Variants in GRIN2A observed in about 807,000 individuals in gnomAD.
GRIN2A encodes the protein glutamate receptor ionotropic, NMDA 2A.
In GRIN2A, 22 loss-of-function variants were observed where a neutral mutation model predicts 113.4. The ratio of observed to expected loss-of-function variants is 0.19; its 90% CI spans 0.14 to 0.28. The LOEUF (loss-of-function observed/expected upper bound fraction) is 0.28, where lower values mean the gene tolerates loss of function less well. GRIN2A is among the 10% of genes least tolerant of loss of function. The pLI, the probability that GRIN2A is intolerant of heterozygous loss-of-function variation, is 1.00. For missense variants in GRIN2A, 1,502 were observed against 1,887.0 expected (o/e 0.80, Z 3.78); for synonymous variants, 827 against 738.4 (o/e 1.12, Z -1.94).
intron 2 of GRIN2A, among the ~76,000 whole-genome samples, chr16:10,148,369 C>T (rs887690701): frequency 5.3e-5 from 8 of 152,104 alleles, no homozygotes; most frequent in Non-Finnish European, 1.0e-4. Flanking sequence ...AATCATATTT[C>T]CTTAAACTGA....
At chr16:9,905,169 G>C (rs549617009) in intron 3 of GRIN2A, among the ~76,000 whole-genome samples, 2 of 152,222 alleles carry the variant, frequency 1.3e-5, no homozygotes, top group East Asian at 3.9e-4. Flanking sequence ...AAAATTGTGT[G>C]GTCCTTTCTC....
intron 2 of GRIN2A, among the ~76,000 whole-genome samples, chr16:9,950,823 A>G (rs890153059): frequency 2.0e-5 from 3 of 152,180 alleles, no homozygotes; most frequent in African/African-American, 7.2e-5. Flanking sequence ...AGGAAAAGCA[A>G]TTTCCACCAA....
chr16:9,891,423 G>A (rs2043692903), intron 3 of GRIN2A, among the ~76,000 whole-genome samples: 1 of 152,204 alleles, frequency 6.6e-6, no homozygotes, highest in African/African-American at 2.4e-5. Context: ...GAAGGAAGCT[G>A]CTTGCTCATA....
chr16:10,092,551 T>A (rs8053887), intron 2 of GRIN2A, among the ~76,000 whole-genome samples: 30,175 of 152,214 alleles, frequency 0.2, 3,584 homozygotes, highest in African/African-American at 0.33. Flanking sequence ...CCTTTTATAA[T>A]AAGTAACTCT....
chr16:10,107,476 T>C (rs1176234526), intron 2 of GRIN2A, among the ~76,000 whole-genome samples: 1 of 152,214 alleles, frequency 6.6e-6, no homozygotes, highest in Admixed American at 6.5e-5. Flanking sequence ...CTGCTGGCTC[T>C]GTTGCTACTC....
intron 2 of GRIN2A, among the ~76,000 whole-genome samples, chr16:10,116,013 T>C (rs947189895): frequency 3.9e-5 from 6 of 152,158 alleles, no homozygotes; most frequent in African/African-American, 1.4e-4. Flanking sequence ...TAAAGATACA[T>C]GCACACGTAT....
chr16:10,156,128 C>T (rs74006794), intron 2 of GRIN2A, among the ~76,000 whole-genome samples: 5,939 of 152,292 alleles, frequency 0.039, 307 homozygotes, highest in African/African-American at 0.12. Context: ...TGCACCTGCA[C>T]GCATACCTGA....
chr16:10,012,534 T>C (rs2046525932), intron 2 of GRIN2A, among the ~76,000 whole-genome samples: 1 of 152,188 alleles, frequency 6.6e-6, no homozygotes, highest in Non-Finnish European at 1.5e-5. Context: ...AGGGTGGCCA[T>C]GTGGGACAGG....
chr16:9,981,087 G>A (rs2045883977), intron 2 of GRIN2A, among the ~76,000 whole-genome samples: 1 of 151,496 alleles, frequency 6.6e-6, no homozygotes, highest in Admixed American at 6.6e-5. Flanking sequence ...AGTCCTTAGA[G>A]GAGGAAAAAA....
intron 2 of GRIN2A, among the ~76,000 whole-genome samples, chr16:10,079,821 G>T (rs147142485): frequency 1.3e-3 from 198 of 152,330 alleles, no homozygotes; most frequent in Non-Finnish European, 2.0e-3. Context: ...CTTGGCACAG[G>T]CTGGGAAGAA....
At chr16:9,937,759 C>T (rs1022072579) in intron 3 of GRIN2A, 200 bp downstream of exon 3, 4 of 598,756 alleles carry the variant, frequency 6.7e-6, no homozygotes, top group Non-Finnish European at 8.9e-6. Context: ...AGTTAAGTTG[C>T]AGGAAACAAA....
intron 2 of GRIN2A, among the ~76,000 whole-genome samples, chr16:9,996,410 C>A (rs2046224782): frequency 6.6e-6 from 1 of 152,188 alleles, no homozygotes; most frequent in Non-Finnish European, 1.5e-5. Flanking sequence ...CTCAGGCACG[C>A]ATGAAAATTG....
intron 11 of GRIN2A, among the ~76,000 whole-genome samples, chr16:9,791,558 G>A (rs965733105): frequency 6.6e-6 from 1 of 152,190 alleles, no homozygotes; most frequent in African/African-American, 2.4e-5. Context: ...TGCCTGAGCT[G>A]TGGGACTGTC....
intron 2 of GRIN2A, among the ~76,000 whole-genome samples, chr16:10,104,198 G>A (rs1056315742): frequency 2.0e-5 from 3 of 152,180 alleles, no homozygotes; most frequent in South Asian, 2.1e-4. Context: ...ACTATTCGAC[G>A]TATTCATTCT....
intron 2 of GRIN2A, among the ~76,000 whole-genome samples, chr16:10,076,022 C>G (rs946986223): frequency 6.6e-6 from 1 of 152,092 alleles, no homozygotes; most frequent in Non-Finnish European, 1.5e-5. Flanking sequence ...CATTCCGAGA[C>G]CCATCTGCAA....
At chr16:9,832,794 C>T (rs2042519304) in intron 8 of GRIN2A, among the ~76,000 whole-genome samples, 1 of 152,140 alleles carries the variant, frequency 6.6e-6, no homozygotes, top group Admixed American at 6.5e-5. Context: ...CTTGCAATCT[C>T]CCATTAAACA....
chr16:9,996,043 AAAAAAAAAAG>A (rs2141830087), intron 2 of GRIN2A, among the ~76,000 whole-genome samples: 1 of 150,518 alleles, frequency 6.6e-6, no homozygotes, highest in East Asian at 1.9e-4. Flanking sequence ...AAAAAAAAAA[AAAAAAAAAAG>A]AAAGAAAGAA....
At position 9,822,433 on chromosome 16, in the gene GRIN2A, A is replaced by G; in HGVS notation, c.2008-9T>C. The stretch of plus-strand genomic sequence containing the variant: ...TCATGAGGTCTCTGAAACTGGAGAG[A>G]GAACGAGAAAGGAAGAGAGAGAGTA... On this transcript the variant is annotated splice_polypyrimidine_tract_variant and intron_variant, in intron 9 of 12. Transcript: ENST00000330684. 6.3e-7 allele frequency: 1 copy of G among 1,581,254 alleles called. No homozygotes were observed. The highest frequency in any genetic ancestry group is 8.7e-7 in the Non-Finnish European group (1 of 1,150,174).
chr16:9,842,270 GAAAA>G (rs925350838), intron 5 of GRIN2A, among the ~76,000 whole-genome samples: 2 of 151,638 alleles, frequency 1.3e-5, no homozygotes, highest in Non-Finnish European at 2.9e-5. Flanking sequence ...AAAGAAAAAA[GAAAA>G]GAAAGAAAGG....
Sources: allele counts gnomAD v4.1 joint callset (sites outside exome capture counted in the v4.1 genomes callset), GRCh38; gene constraint gnomAD v4.1.1; transcripts MANE v1.5; gene names NCBI Gene and HGNC (gene_info 2026-07-23, HGNC 2026-07-21).